The following DMRT1 variants were observed in gnomAD, a reference collection of about 807,000 sequenced individuals.
DMRT1 encodes the protein doublesex- and mab-3-related transcription factor 1.
In DMRT1, 7 loss-of-function variants were observed where a neutral mutation model predicts 32.3. The ratio of observed to expected loss-of-function variants is 0.22; its 90% confidence interval spans 0.12 to 0.41. The LOEUF is 0.41. Among genes scored for constraint, DMRT1 ranks in the 10% least tolerant of loss-of-function variants. The probability of loss-of-function intolerance (pLI) is 1.00; values close to 1 mark genes in which losing one functional copy is unlikely to be tolerated. For missense variants in DMRT1, 625 were observed against 500.5 expected, an observed-to-expected ratio of 1.25 and a Z score of -2.37; for synonymous variants, 278 against 206.1, an observed-to-expected ratio of 1.35 and a Z score of -2.99.
chr9:935,418 A>G (rs1356627348), intron 4 of DMRT1, among the ~76,000 whole-genome samples: 1 of 152,222 alleles, frequency 6.6e-6, no homozygotes, highest in Admixed American at 6.5e-5. Context: ...TTAATTTGAC[A>G]CACTCTTAGG....
At chr9:960,334 G>T (rs565235821) in intron 4 of DMRT1, among the ~76,000 whole-genome samples, 7 of 152,334 alleles carry the variant, frequency 4.6e-5, no homozygotes, top group Non-Finnish European at 7.3e-5. Context: ...GAGGTGTTGG[G>T]TGTGTTGTCA....
intron 4 of DMRT1, among the ~76,000 whole-genome samples, chr9:941,722 AAAAT>A (rs1819080088): frequency 6.6e-6 from 1 of 152,228 alleles, no homozygotes; most frequent in Non-Finnish European, 1.5e-5. Context: ...CACCACCAAA[AAAAT>A]AGGAAGAAAA....
At chr9:860,296 CA>C (rs985230202) in intron 2 of DMRT1, among the ~76,000 whole-genome samples, 1 of 150,916 alleles carries the variant, frequency 6.6e-6, no homozygotes, top group Admixed American at 6.6e-5. Flanking sequence ...GACTCTGTCT[CA>C]AAAAAAATTA....
At chr9:857,780 C>A (rs1815464922) in intron 2 of DMRT1, among the ~76,000 whole-genome samples, 1 of 114,660 alleles carries the variant, frequency 8.7e-6, no homozygotes, top group Non-Finnish European at 1.7e-5. Context: ...TCCCCCCTCC[C>A]CCCACCCCAC....
chr9:904,924 A>C (rs1817713709), intron 3 of DMRT1, among the ~76,000 whole-genome samples: 1 of 146,958 alleles, frequency 6.8e-6, no homozygotes, highest in African/African-American at 2.5e-5. Context: ...CCTGGGCAAC[A>C]AGAACGAAAC....
rs1044522503 is a variant in DMRT1, at chr9:841,999, G to T, written c.161G>T (p.Gly54Val). The T allele has an allele frequency of 1.3e-6, 2 of 1,562,454 alleles. No individual in the cohort carries two copies. The highest frequency in any genetic ancestry group is 1.7e-6 in the Non-Finnish European group (2 of 1,155,388). ...AGCGCCGGGGGCAGCAGCAGAGGAG[G>T]CGGCTCCGGCTCCGGGGCGTCGGAC... is the stretch of plus-strand genomic sequence containing the variant. Reference protein sequence around the residue: ...GSSAGGSSRGGGSGSGASDLG... With the variant: ...GSSAGGSSRGVGSGSGASDLG... The change falls in exon 1 of 5, where the codon GGC becomes GTC. Residue 54 changes from glycine to valine, a missense_variant. Physicochemically the swap from Gly to Val is moderately radical, Grantham distance 109. This residue lies in a region of DMRT1 where 201 missense variants were observed against 152.0 expected (regional missense o/e 1.32). Coordinates refer to ENST00000382276, the MANE Select transcript of DMRT1 (RefSeq NM_021951.3).
At chr9:904,827 C>T (rs995379553) in intron 3 of DMRT1, among the ~76,000 whole-genome samples, 8 of 152,144 alleles carry the variant, frequency 5.3e-5, no homozygotes, top group African/African-American at 1.9e-4. Flanking sequence ...GCCTATAATC[C>T]CAGCTACTCG....
At chr9:862,120 A>C (rs1347752648) in intron 2 of DMRT1, among the ~76,000 whole-genome samples, 6 of 129,284 alleles carry the variant, frequency 4.6e-5, no homozygotes, top group Non-Finnish European at 1.0e-4. Flanking sequence ...CAGAGGCTGC[A>C]ATCTCAGCAC....
intron 4 of DMRT1, among the ~76,000 whole-genome samples, chr9:962,998 T>C (rs1032033851): frequency 4.6e-5 from 7 of 152,210 alleles, no homozygotes; most frequent in African/African-American, 1.7e-4. Flanking sequence ...TATTATTTTG[T>C]GAATTGTGTG....
At chr9:842,886 G>A (rs988787165) in intron 1 of DMRT1, 3 of 152,400 alleles carry the variant, frequency 2.0e-5, no homozygotes, top group Non-Finnish European at 2.9e-5. Context: ...CAGAGCCCGC[G>A]TTCCAACAGA....
At chr9:913,375 T>G (rs1010919642) in intron 3 of DMRT1, among the ~76,000 whole-genome samples, 1 of 151,542 alleles carries the variant, frequency 6.6e-6, no homozygotes, top group African/African-American at 2.4e-5. Context: ...GTAATTGACT[T>G]AAGGAAGTCT....
At chr9:907,214 T>C (rs911618103) in intron 3 of DMRT1, among the ~76,000 whole-genome samples, 32 of 152,188 alleles carry the variant, frequency 2.1e-4, no homozygotes, top group African/African-American at 7.7e-4. Flanking sequence ...ATTTAAAAAA[T>C]ACAACCTTTT....
At chr9:857,923 A>C (rs1378545621) in intron 2 of DMRT1, among the ~76,000 whole-genome samples, 1 of 151,542 alleles carries the variant, frequency 6.6e-6, no homozygotes, top group Non-Finnish European at 1.5e-5. Context: ...GATGGTTTCC[A>C]GTTTCATCCA....
intron 2 of DMRT1, among the ~76,000 whole-genome samples, chr9:865,287 T>A (rs919412080): frequency 2.8e-4 from 43 of 152,224 alleles, no homozygotes; most frequent in African/African-American, 1.0e-3. Flanking sequence ...TCAAAAGACC[T>A]GGCTCAGTTT....
At chr9:948,601 C>T (rs1046126657) in intron 4 of DMRT1, among the ~76,000 whole-genome samples, 7 of 152,028 alleles carry the variant, frequency 4.6e-5, no homozygotes, top group South Asian at 2.1e-4. Context: ...CAGAAGGCTC[C>T]GCAACAAGTG....
At chr9:947,329 T>C (rs1041575507) in intron 4 of DMRT1, among the ~76,000 whole-genome samples, 5 of 152,218 alleles carry the variant, frequency 3.3e-5, no homozygotes, top group African/African-American at 1.2e-4. Flanking sequence ...AAGACAATTA[T>C]TATTCTTCCA....
chr9:916,616 C>A, intron 3 of DMRT1, 147 bp from the exon 4 acceptor site: 2 of 936,170 alleles, frequency 2.1e-6, no homozygotes, highest in South Asian at 1.4e-5. Context: ...AAGCGATCCT[C>A]CCGCCCTGGC....
intron 3 of DMRT1, among the ~76,000 whole-genome samples, chr9:909,542 G>A (rs959481083): frequency 6.6e-6 from 1 of 152,008 alleles, no homozygotes; most frequent in African/African-American, 2.4e-5. Flanking sequence ...GAGGGTAAAA[G>A]TCAACCCCAG....
intron 4 of DMRT1, among the ~76,000 whole-genome samples, chr9:950,237 T>A (rs1819384418): frequency 6.6e-6 from 1 of 152,132 alleles, no homozygotes; most frequent in African/African-American, 2.4e-5. Flanking sequence ...CAAAGCTGTC[T>A]TTTTGCAGCA....
Sources: gnomAD v4.1 joint callset for allele counts (sites outside exome capture counted in the v4.1 genomes callset) on GRCh38, gnomAD v4.1.1 for gene constraint, gnomAD v4.1.1 regional missense constraint, MANE v1.5 for transcripts, NCBI Gene and HGNC (gene_info 2026-07-23, HGNC 2026-07-21) for gene names.